The following COL4A3 variants were observed in gnomAD, a reference collection of about 807,000 sequenced individuals.
COL4A3 encodes collagen alpha-3(IV) chain.
A neutral mutation model predicts 217.4 loss-of-function variants in COL4A3; 135 were observed. The observed-to-expected ratio is 0.62, with a 90% CI of 0.54 to 0.72. The LOEUF (loss-of-function observed/expected upper bound fraction) is 0.72, where lower values mean the gene tolerates loss of function less well. Ranked by LOEUF, COL4A3 falls within the 30% of genes least tolerant of loss-of-function variation. The probability of loss-of-function intolerance (pLI) is 0.00; values close to 1 mark genes in which losing one functional copy is unlikely to be tolerated. For missense variants in COL4A3, 1,868 were observed against 2,119.9 expected, an observed-to-expected ratio of 0.88 and a Z score of 2.33; for synonymous variants, 690 against 736.3, an observed-to-expected ratio of 0.94 and a Z score of 1.02.
chr2:227,243,088 T>C (rs1354356034), intron 3 of COL4A3, among the ~76,000 whole-genome samples: 2 of 152,170 alleles, frequency 1.3e-5, no homozygotes, highest in Non-Finnish European at 2.9e-5. Context: ...TTTAAAAAAA[T>C]TGTTATCTGT....
chr2:227,309,012 C>G lies in COL4A3; in HGVS notation c.4576C>G (p.Pro1526Ala), dbSNP rs1433853870. ...RNDYSYWLST[P>A]ALMPMNMAPI... ...TGATTATTCATACTGGCTGTCAACA[C>G]CAGCTCTGATGCCAATGAACATGGC... The change falls in exon 49 of 52, where the codon CCA (proline) becomes GCA (alanine). Residue 1526 changes from proline (P) to alanine (A), a missense_variant. Physicochemically the swap from Pro to Ala is conservative, Grantham distance 27. Around this residue, in one of 2 missense-constraint regions of COL4A3, gnomAD observed 1,503 missense variants for 1,786.1 expected, o/e 0.84. Transcript: ENST00000396578. The G allele has an allele frequency of 5.0e-6, 8 of 1,614,088 alleles. No homozygotes were observed. The highest frequency in any genetic ancestry group is 6.8e-6 in the Non-Finnish European group (8 of 1,180,030).
chr2:227,289,252 C>T lies in COL4A3; in HGVS notation c.2980+4C>T. 1 of 1,610,236 alleles carries T rather than the reference C, an allele frequency of 6.2e-7. No individual in the cohort carries two copies. The highest frequency in any genetic ancestry group is 8.5e-7 in the Non-Finnish European group (1 of 1,177,016). ...CCCGGACCAGCAGGACCACCAGGTA[C>T]AGCTGATTCTCAAATAGAAAAATAT... On this transcript the variant is annotated splice_donor_region_variant and intron_variant, in intron 35 of 51. Coordinates refer to ENST00000396578, the MANE Select transcript of COL4A3 (RefSeq NM_000091.5).
chr2:227,222,169 AAT>A (rs1559839994), intron 1 of COL4A3, among the ~76,000 whole-genome samples: 10 of 71,080 alleles, frequency 1.4e-4, no homozygotes, highest in Non-Finnish European at 2.9e-4. Context: ...TAATAATGAT[AAT>A]GATAATAAAA....
intron 1 of COL4A3, chr2:227,222,561 A>C (rs6729258): frequency 0.5 from 76,358 of 151,970 alleles, 19,986 homozygotes; most frequent in Non-Finnish European, 0.59. Context: ...TGGAGAAGGC[A>C]TGTAAACAAA....
intron 1 of COL4A3, among the ~76,000 whole-genome samples, chr2:227,236,182 T>C (rs2068686958): frequency 6.6e-6 from 1 of 152,362 alleles, no homozygotes; most frequent in East Asian, 1.9e-4. Flanking sequence ...ATTTTTGCAA[T>C]TGCGAATAGT....
intron 2 of COL4A3, 118 bp downstream of exon 2, chr2:227,238,142 C>A: frequency 2.8e-6 from 2 of 710,740 alleles, no homozygotes; most frequent in Non-Finnish European, 5.1e-6. Flanking sequence ...TTTCCCAAAT[C>A]CAATGTTAAA....
In COL4A3 at chr2:227,241,108, C is replaced by T. The variant is rs143230378; in HGVS notation, c.234+876C>T. On this transcript the variant is annotated intron_variant, in intron 3 of 51. Transcript: ENST00000396578. ...AGTCTATGACCCTTCACACTCATCA[C>T]ACATTCTTATCCTAAAGTCTGTGAT... is the stretch of plus-strand genomic sequence containing the variant. 1.0e-3 allele frequency among the ~76,000 whole-genome samples: 158 copies of T among 152,288 alleles called. 4 individuals carry two copies. The East Asian group carries it at 0.025, about 24-fold the overall frequency.
Position 227,307,889 on chromosome 2 carries a change from G to C in COL4A3, c.4432G>C (p.Gly1478Arg), listed in dbSNP as rs2073577636. Residue 1478 changes from glycine to arginine, a missense_variant, in exon 48 of 52, where the codon GGA (glycine) becomes CGA (arginine). Gly to Arg is a moderately radical substitution (Grantham distance 125, BLOSUM62 -2). Transcript: ENST00000396578. ...TGGGTTTTCTTTTCTTTTTGTACAA[G>C]GAAATCAACGAGCCCACGGACAAGA... ...YSGFSFLFVQGNQRAHGQDLG... is the reference protein window; with the variant it reads ...YSGFSFLFVQRNQRAHGQDLG... 1 of 1,614,130 alleles carries C rather than the reference G, an allele frequency of 6.2e-7. No individual in the cohort carries two copies. Among genetic ancestry groups the C allele is most frequent in the East Asian group, 2.2e-5 (1 of 44,884 alleles).
chr2:227,219,521 C>T (rs894999320), intron 1 of COL4A3, among the ~76,000 whole-genome samples: 6 of 152,282 alleles, frequency 3.9e-5, no homozygotes, highest in Admixed American at 1.3e-4. Context: ...TGGTATTAGT[C>T]ATCTGGATGA....
rs77133381 is a variant in COL4A3 at position 227,212,969 on chromosome 2, C to T, written c.88-24999C>T. Among the ~76,000 whole-genome samples the T allele has an allele frequency of 3.0e-3, 459 of 152,328 alleles. 5 individuals carry two copies. The highest frequency in any genetic ancestry group is 0.011 in the African/African-American group (446 of 41,572). ...TAAAGCCAAACTAAAGACCCTTGCA[C>T]TAAACATGGCTCTTGACTCAATAAT... On this transcript the variant is annotated intron_variant, in intron 1 of 51. Transcript: ENST00000396578.
At chr2:227,252,859 C>T (rs553897042) in intron 11 of COL4A3, among the ~76,000 whole-genome samples, 9 of 152,224 alleles carry the variant, frequency 5.9e-5, no homozygotes, top group East Asian at 3.9e-4. Context: ...CTAGTGAAGT[C>T]GGTAGCTGGA....
intron 48 of COL4A3, among the ~76,000 whole-genome samples, chr2:227,308,138 C>A (rs1420058953): frequency 6.6e-6 from 1 of 152,188 alleles, no homozygotes; most frequent in African/African-American, 2.4e-5. Context: ...CTAGCTCCTC[C>A]CATTCAGTGC....
chr2:227,279,079 CTTT>C (rs34554554), intron 28 of COL4A3, among the ~76,000 whole-genome samples: 3 of 143,808 alleles, frequency 2.1e-5, no homozygotes, highest in Non-Finnish European at 3.0e-5. Flanking sequence ...CGTTCTATAT[CTTT>C]TTTTTTTTTT....
chr2:227,257,922 C>A (rs2125948277), intron 18 of COL4A3, among the ~76,000 whole-genome samples: 1 of 152,302 alleles, frequency 6.6e-6, no homozygotes, highest in Non-Finnish European at 1.5e-5. Flanking sequence ...GGTGATCCTG[C>A]CCCTTCAGGG....
At chr2:227,205,331 CAAATA>C (rs1442695599) in intron 1 of COL4A3, among the ~76,000 whole-genome samples, 2 of 151,950 alleles carry the variant, frequency 1.3e-5, no homozygotes, top group Non-Finnish European at 2.9e-5. Context: ...GATATTCTAT[CAAATA>C]AAATAAATTA....
intron 35 of COL4A3, among the ~76,000 whole-genome samples, chr2:227,289,635 C>T (rs1258586266): frequency 1.3e-5 from 2 of 151,988 alleles, no homozygotes; most frequent in Admixed American, 6.6e-5. Context: ...TTAAAGTATC[C>T]CACCATTCCT....
chr2:227,182,022 G>A (rs1372408256), intron 1 of COL4A3, among the ~76,000 whole-genome samples: 1 of 151,994 alleles, frequency 6.6e-6, no homozygotes, highest in African/African-American at 2.4e-5. Context: ...TCTAAAATAT[G>A]ATTTCCCATA....
intron 21 of COL4A3, chr2:227,264,684 G>A (rs2070784273): frequency 6.6e-6 from 1 of 152,396 alleles, no homozygotes; most frequent in South Asian, 2.1e-4. Flanking sequence ...CTGGGGCCAG[G>A]TGTGGTGGTG....
rs1882435 is a variant in COL4A3 at position 227,238,036 on chromosome 2, C to T, written c.144+12C>T. 13 of 1,563,908 alleles carry T rather than the reference C, an allele frequency of 8.3e-6. No individual in the cohort carries two copies. The highest frequency in any genetic ancestry group is 1.1e-5 in the Non-Finnish European group (13 of 1,134,540). On this transcript the variant is annotated intron_variant, in intron 2 of 51. Transcript: ENST00000396578. ...CCAAAGGGGAGAAGGTAAAAACAAACCCTAATACTGCTTGTTTACACTGTA... is the reference window on the plus strand; with the variant it reads ...CCAAAGGGGAGAAGGTAAAAACAAATCCTAATACTGCTTGTTTACACTGTA...
Sources: gnomAD v4.1 joint callset for allele counts (sites outside exome capture counted in the v4.1 genomes callset) on GRCh38, gnomAD v4.1.1 for gene constraint, gnomAD v4.1.1 regional missense constraint, MANE v1.5 for transcripts, NCBI Gene and HGNC (gene_info 2026-07-23, HGNC 2026-07-21) for gene names.